Variants in SMG6 observed in about 807,000 individuals in gnomAD.
SMG6 encodes telomerase-binding protein EST1A.
In SMG6, 66 loss-of-function variants were observed where a neutral mutation model predicts 142.2. That is an observed-to-expected ratio of 0.46 (90% CI 0.38 to 0.57). SMG6 has a LOEUF of 0.57. Among genes scored for constraint, SMG6 ranks in the 20% least tolerant of loss-of-function variants. SMG6 has a pLI of 0.00. For synonymous variants in SMG6, 779 were observed against 702.4 expected, an observed-to-expected ratio of 1.11 and a Z score of -1.72; for missense variants, 1,793 against 1,832.0, an observed-to-expected ratio of 0.98 and a Z score of 0.39.
At chr17:2,143,080 G>A (rs1369968085) in intron 13 of SMG6, among the ~76,000 whole-genome samples, 1 of 152,128 alleles carries the variant, frequency 6.6e-6, no homozygotes, top group Non-Finnish European at 1.5e-5. Context: ...AAGTGTTAGT[G>A]AAGATGTGGG....
intron 13 of SMG6, among the ~76,000 whole-genome samples, chr17:2,156,393 CAAAAAAAAAAAAA>C (rs34203812): frequency 0.021 from 1,161 of 55,530 alleles, 30 homozygotes; most frequent in Middle Eastern, 0.05. Flanking sequence ...CACTCCTTCT[CAAAAAAAAAAAAA>C]AAAAAAAAAA....
intron 10 of SMG6, among the ~76,000 whole-genome samples, chr17:2,224,137 A>G (rs1373454538): frequency 2.0e-5 from 3 of 152,222 alleles, no homozygotes; most frequent in African/African-American, 7.2e-5. Context: ...GAGATTGAAT[A>G]AAGATGGGAA....
intron 8 of SMG6, among the ~76,000 whole-genome samples, chr17:2,255,537 G>C (rs1023915656): frequency 6.6e-6 from 1 of 151,654 alleles, no homozygotes; most frequent in East Asian, 1.9e-4. Flanking sequence ...TTAGGGTTTT[G>C]GCCAGCTGCC....
intron 13 of SMG6, among the ~76,000 whole-genome samples, chr17:2,118,356 T>C (rs1402837863): frequency 1.3e-5 from 2 of 152,122 alleles, no homozygotes; most frequent in Non-Finnish European, 2.9e-5. Context: ...CTGGCCAACA[T>C]GATGAAACCC....
At chr17:2,066,694 C>CACACACACA (rs1375441508) in intron 16 of SMG6, among the ~76,000 whole-genome samples, 8 of 150,862 alleles carry the variant, frequency 5.3e-5, no homozygotes, top group South Asian at 2.1e-4. Flanking sequence ...CACACACACA[C>CACACACACA]AATGCCCATG....
At chr17:2,168,236 C>T (rs1456282752) in intron 13 of SMG6, among the ~76,000 whole-genome samples, 3 of 151,958 alleles carry the variant, frequency 2.0e-5, no homozygotes, top group Non-Finnish European at 4.4e-5. Context: ...CTCTGTCACC[C>T]AGGCTGGAGT....
At chr17:2,137,193 G>A (rs2070331761) in intron 13 of SMG6, among the ~76,000 whole-genome samples, 1 of 151,982 alleles carries the variant, frequency 6.6e-6, no homozygotes, top group South Asian at 2.1e-4. Context: ...TAAAAGAAAT[G>A]GTTTGAATGC....
chr17:2,134,270 T>A (rs2070217891), intron 13 of SMG6, among the ~76,000 whole-genome samples: 1 of 151,308 alleles, frequency 6.6e-6, no homozygotes, highest in Admixed American at 6.6e-5. Context: ...ATACAAAAAC[T>A]AGCTGGGCAT....
At chr17:2,115,609 A>G (rs1254033634) in intron 13 of SMG6, among the ~76,000 whole-genome samples, 5 of 152,232 alleles carry the variant, frequency 3.3e-5, no homozygotes, top group African/African-American at 1.2e-4. Flanking sequence ...ATCTTTCAAT[A>G]AAATGAACCA....
intron 13 of SMG6, among the ~76,000 whole-genome samples, chr17:2,142,509 C>T (rs1035598251): frequency 7.0e-6 from 1 of 142,172 alleles, no homozygotes; most frequent in African/African-American, 2.7e-5. Flanking sequence ...TGAACTCCTA[C>T]AACTCAATGT....
In SMG6 at chr17:2,064,156, C is replaced by G. The variant is rs9894422; in HGVS notation, c.4129+917G>C. ...AGAAACACGCACAGAAAGGAGAGAG[C>G]AGCAGAGACGGAAAGGCAATGACAA... On this transcript the variant is annotated intron_variant, in intron 18 of 18. Coordinates refer to ENST00000263073, the MANE Select transcript of SMG6 (RefSeq NM_017575.5). 1.2e-3 allele frequency among the ~76,000 whole-genome samples: 185 copies of G among 152,244 alleles called. 2 individuals carry two copies. The highest frequency in any genetic ancestry group is 4.3e-3 in the African/African-American group (180 of 41,528).
intron 10 of SMG6, among the ~76,000 whole-genome samples, chr17:2,203,318 C>T (rs966201693): frequency 1.6e-4 from 24 of 152,344 alleles, no homozygotes; most frequent in African/African-American, 5.3e-4. Flanking sequence ...GACAGAGCTG[C>T]TGCCAGCAGA....
chr17:2,142,765 G>A (rs2070523588), intron 13 of SMG6, among the ~76,000 whole-genome samples: 1 of 151,824 alleles, frequency 6.6e-6, no homozygotes, highest in Non-Finnish European at 1.5e-5. Flanking sequence ...GCGCATGCCT[G>A]TAACCCCAGC....
At chr17:2,159,785 G>A (rs888207870) in intron 13 of SMG6, among the ~76,000 whole-genome samples, 1 of 152,064 alleles carries the variant, frequency 6.6e-6, no homozygotes, top group East Asian at 1.9e-4. Flanking sequence ...CTATCAACAA[G>A]TGAATGGATA....
At chr17:2,257,155 G>A (rs1160159827) in intron 8 of SMG6, among the ~76,000 whole-genome samples, 1 of 150,126 alleles carries the variant, frequency 6.7e-6, no homozygotes, top group Non-Finnish European at 1.5e-5. Flanking sequence ...GCGTGATCTC[G>A]GCTCACTGCA....
intron 13 of SMG6, among the ~76,000 whole-genome samples, chr17:2,086,731 C>A (rs1284405386): frequency 6.6e-6 from 1 of 152,186 alleles, no homozygotes; most frequent in Admixed American, 6.5e-5. Context: ...TCTGGAGGCA[C>A]CACACCTGCA....
At chr17:2,251,749 G>A (rs1275212439) in intron 8 of SMG6, among the ~76,000 whole-genome samples, 2 of 152,230 alleles carry the variant, frequency 1.3e-5, no homozygotes, top group Admixed American at 1.3e-4. Flanking sequence ...ACCAGCAGAG[G>A]GACAGCCGAG....
chr17:2,295,518 TC>T (rs1347790662), intron 4 of SMG6, among the ~76,000 whole-genome samples: 2 of 152,266 alleles, frequency 1.3e-5, no homozygotes, highest in Non-Finnish European at 2.9e-5. Context: ...GCTTCCAGTT[TC>T]CCCAACTAAA....
Position 2,216,232 on chromosome 17 carries a change from G to A in SMG6, c.2869+20260C>T, listed in dbSNP as rs887594301. Among the ~76,000 whole-genome samples, 4 of 152,162 alleles carry A rather than the reference G, an allele frequency of 2.6e-5. No individual in the cohort carries two copies. In the South Asian group the frequency reaches 8.3e-4, roughly 32 times the overall value. On this transcript the variant is annotated intron_variant, in intron 10 of 18. Coordinates refer to ENST00000263073, the MANE Select transcript of SMG6 (RefSeq NM_017575.5). The stretch of plus-strand genomic sequence containing the variant: ...CAGCTACCCCAATCTCCCTTGGAAG[G>A]GACCAACCAAGGTATCCAAGGAATG...
Sources: allele counts gnomAD v4.1 joint callset (sites outside exome capture counted in the v4.1 genomes callset), GRCh38; gene constraint gnomAD v4.1.1; transcripts MANE v1.5; gene names NCBI Gene and HGNC (gene_info 2026-07-23, HGNC 2026-07-21).